ANOS1: variants seen among roughly 807,000 people sequenced by gnomAD.
ANOS1 encodes the protein anosmin 1, also known as anosmin-1.
Under a neutral mutation model 59.0 loss-of-function variants are expected in ANOS1, and 6 were observed. The ratio of observed to expected loss-of-function variants is 0.10; its 90% CI spans 0.06 to 0.20. The LOEUF (loss-of-function observed/expected upper bound fraction) is 0.20, where lower values mean the gene tolerates loss of function less well. ANOS1 is among the 10% of genes least tolerant of loss of function. The pLI is 1.00. For missense variants in ANOS1, 433 were observed against 542.3 expected (o/e 0.80, Z 2.00); for synonymous variants, 217 against 223.4 (o/e 0.97, Z 0.25).
chrX:8,563,988 T>C (rs758657497), intron 8 of ANOS1, among the ~76,000 whole-genome samples: 6 of 111,149 alleles, frequency 5.4e-5, no homozygotes, highest in Non-Finnish European at 1.9e-5. Context: ...GCTACAGACA[T>C]CTGGTATTAG....
At chrX:8,634,551 T>G (rs956872908) in intron 2 of ANOS1, among the ~76,000 whole-genome samples, 1 of 111,231 alleles carries the variant, frequency 9.0e-6, no homozygotes, top group Non-Finnish European at 1.9e-5. Flanking sequence ...AGCAGCAGAG[T>G]TGAGTAGTTG....
At chrX:8,731,702 G>C in intron 1 of ANOS1, 128 bp downstream of exon 1, 1 of 1,084,043 alleles carries the variant, frequency 9.2e-7, no homozygotes, top group South Asian at 2.3e-5. Flanking sequence ...CCACGCCCAG[G>C]GGAAGCCAGG....
At chrX:8,594,352 T>C (rs1349798723) in intron 4 of ANOS1, among the ~76,000 whole-genome samples, 1 of 108,812 alleles carries the variant, frequency 9.2e-6, no homozygotes, top group Non-Finnish European at 1.9e-5. Flanking sequence ...GGCACATGGT[T>C]TTCTCCTTGC....
chrX:8,709,261 TG>T (rs1932797252), intron 1 of ANOS1, among the ~76,000 whole-genome samples: 1 of 104,431 alleles, frequency 9.6e-6, no homozygotes, highest in South Asian at 4.3e-4. Flanking sequence ...GAACTTAAAG[TG>T]TAATTAAAAA....
At chrX:8,649,462 T>A in intron 2 of ANOS1, among the ~76,000 whole-genome samples, 1 of 111,802 alleles carries the variant, frequency 8.9e-6, no homozygotes, top group Non-Finnish European at 1.9e-5. Context: ...ATGAGCCATC[T>A]TATCAACATG....
intron 3 of ANOS1, among the ~76,000 whole-genome samples, chrX:8,607,293 T>C (rs1043739286): frequency 8.9e-6 from 1 of 112,336 alleles, no homozygotes; most frequent in African/African-American, 3.2e-5. Context: ...CAATTATAAA[T>C]ACTAATTTCT....
intron 2 of ANOS1, among the ~76,000 whole-genome samples, chrX:8,698,490 G>T (rs1018745125): frequency 6.2e-5 from 7 of 112,164 alleles, no homozygotes; most frequent in Admixed American, 5.7e-4. Context: ...AATTTAATCA[G>T]CCTCATAGCA....
chrX:8,563,792 T>C (rs766407988), intron 8 of ANOS1, among the ~76,000 whole-genome samples: 10 of 112,051 alleles, frequency 8.9e-5, no homozygotes, highest in Non-Finnish European at 9.4e-5. Flanking sequence ...TTGCAGGACC[T>C]AGAAACAAAC....
At chrX:8,619,833 G>C (rs762454980) in intron 3 of ANOS1, among the ~76,000 whole-genome samples, 6 of 112,355 alleles carry the variant, frequency 5.3e-5, no homozygotes, top group Admixed American at 9.4e-5. Context: ...CAAGAACAAT[G>C]TTTTATGTTT....
At chrX:8,609,240 C>T (rs1930999246) in intron 3 of ANOS1, among the ~76,000 whole-genome samples, 1 of 111,768 alleles carries the variant, frequency 8.9e-6, no homozygotes, top group African/African-American at 3.2e-5. Flanking sequence ...TTCTAAATTC[C>T]TATAGCTAAA....
intron 3 of ANOS1, among the ~76,000 whole-genome samples, chrX:8,612,047 AAGGG>A (rs1405185722): frequency 8.9e-6 from 1 of 111,939 alleles, no homozygotes; most frequent in African/African-American, 3.2e-5. Context: ...AATACAAATG[AAGGG>A]AGTAAACAAT....
intron 3 of ANOS1, among the ~76,000 whole-genome samples, chrX:8,619,433 G>A (rs372147042): frequency 7.2e-4 from 80 of 110,504 alleles, no homozygotes; most frequent in East Asian, 4.9e-3. Context: ...GTGAAACCCC[G>A]TCTCTACTAA....
intron 8 of ANOS1, among the ~76,000 whole-genome samples, chrX:8,561,466 ATTTTTTT>A (rs34119310): frequency 9.8e-4 from 66 of 67,030 alleles, no homozygotes; most frequent in African/African-American, 3.4e-3. Context: ...TGCCCGGCTA[ATTTTTTT>A]TTTTTTTTTT....
intron 6 of ANOS1, among the ~76,000 whole-genome samples, chrX:8,580,978 T>C (rs1569054629): frequency 1.8e-5 from 2 of 111,760 alleles, no homozygotes; most frequent in Non-Finnish European, 3.8e-5. Context: ...ACAGTTTCAA[T>C]TCTGGAGCAA....
chrX:8,664,021 G>A (rs759996774), intron 2 of ANOS1, among the ~76,000 whole-genome samples: 7 of 110,899 alleles, frequency 6.3e-5, no homozygotes, highest in Non-Finnish European at 9.4e-5. Context: ...GACACAGGGA[G>A]GGGAACACAC....
At chrX:8,707,789 G>A (rs1238686202) in intron 1 of ANOS1, among the ~76,000 whole-genome samples, 1 of 111,978 alleles carries the variant, frequency 8.9e-6, no homozygotes, top group South Asian at 3.8e-4. Context: ...GGGAGGGGAG[G>A]CAGATCCTGA....
chrX:8,655,295 C>T (rs1931913873), intron 2 of ANOS1, among the ~76,000 whole-genome samples: 1 of 111,402 alleles, frequency 9.0e-6, no homozygotes, highest in South Asian at 3.8e-4. Flanking sequence ...GAGCCTGCAA[C>T]CTAGATCCCT....
At chrX:8,714,305 G>A (rs1037234928) in intron 1 of ANOS1, among the ~76,000 whole-genome samples, 1 of 111,684 alleles carries the variant, frequency 9.0e-6, no homozygotes, top group Non-Finnish European at 1.9e-5. Context: ...CTTGACAGGT[G>A]CAATATGTTA....
intron 2 of ANOS1, among the ~76,000 whole-genome samples, chrX:8,626,444 T>C (rs149703313): frequency 0.011 from 1,245 of 111,835 alleles, 20 homozygotes; most frequent in African/African-American, 0.039. Flanking sequence ...TTCTAAGACA[T>C]ATATGAGCCT....
Sources: allele counts gnomAD v4.1 joint callset (sites outside exome capture counted in the v4.1 genomes callset), GRCh38; gene constraint gnomAD v4.1.1; transcripts MANE v1.5; gene names NCBI Gene and HGNC (gene_info 2026-07-23, HGNC 2026-07-21).